TARBP2: variants seen among roughly 807,000 people sequenced by gnomAD.
TARBP2 encodes TARBP2 subunit of RISC loading complex.
Under a neutral mutation model 40.4 loss-of-function variants are expected in TARBP2, and 23 were observed. That is an observed-to-expected ratio of 0.57 (90% CI 0.41 to 0.81). The LOEUF (loss-of-function observed/expected upper bound fraction) is 0.81. TARBP2 is among the 30% of genes least tolerant of loss of function. The pLI is 0.00. For synonymous variants in TARBP2, 183 were observed against 190.5 expected (o/e 0.96, Z 0.32); for missense variants, 358 against 473.7 (o/e 0.76, Z 2.27).
At position 53,501,477 on chromosome 12, in the gene TARBP2, C is replaced by T. The variant is rs776722843; in HGVS notation, c.53+16C>T. 6.4e-7 allele frequency: 1 copy of T among 1,560,820 alleles called. No homozygotes were observed. Among genetic ancestry groups the T allele is most frequent in the East Asian group, 2.4e-5 (1 of 41,756 alleles). Reference sequence around the variant, plus strand: ...GGCTGCCTAGGTGAGCCGTCTCGTACCGATTCCTTCAGGGCGAAAAGCGTG... The same window carrying T: ...GGCTGCCTAGGTGAGCCGTCTCGTATCGATTCCTTCAGGGCGAAAAGCGTG... On this transcript the variant is annotated intron_variant, in intron 1 of 8. Transcript: ENST00000266987.
rs769254353 is a variant in TARBP2, at chr12:53,505,794, G to A, written c.887G>A (p.Arg296His). ...SLGALGPACC[R>H]VLSELSEEQA... ...GGTGCCCTGGGCCCTGCCTGCTGCC[G>A]TGTCCTCAGTGAGCTCTCTGAGGAG... Residue 296 changes from arginine to histidine, a missense_variant, in exon 8 of 9, where the codon CGT (arginine) becomes CAT (histidine). Transcript: ENST00000266987. This position sits in a 1 kb window ranked among gnomAD's most constrained non-coding sequence, Gnocchi z 4.5. 20 of 1,613,894 alleles carry A rather than the reference G, an allele frequency of 1.2e-5. No individual in the cohort carries two copies. In the African/African-American group the frequency reaches 1.3e-4, roughly 11 times the overall value.
chr12:53,504,518 G>A lies in TARBP2; in HGVS notation c.495+49G>A, dbSNP rs151250437. On this transcript the variant is annotated intron_variant, in intron 5 of 8. Transcript: ENST00000266987. ...TGCATGCCTGTCTTCCCTTGAGCCA[G>A]GGGCCATGAGGGAAGGCTATGTGTG... The A allele has an allele frequency of 8.1e-5, 130 of 1,604,070 alleles. No homozygotes were observed. In the African/African-American group the frequency reaches 1.7e-3, roughly 21 times the overall value.
Position 53,505,411 on chromosome 12 carries a change from G to A in TARBP2, c.741+149G>A. ...TTTCCTACCAGACCCAGGGTTCCTG[G>A]GGCCGACTCAGCCTTGACTGTAGGC... On this transcript the variant is annotated intron_variant, in intron 7 of 8. Transcript: ENST00000266987. The surrounding 1 kb of genome is among the most constrained non-coding windows in gnomAD (Gnocchi z 4.5). 2 of 1,318,062 alleles carry A rather than the reference G, an allele frequency of 1.5e-6. No individual in the cohort carries two copies. The highest frequency in any genetic ancestry group is 1.5e-5 in the South Asian group (1 of 67,322). 81.6% of individuals were successfully genotyped at this position (1,318,062 alleles called of 1,614,324 possible).
At position 53,506,263 on chromosome 12, in the gene TARBP2, C is replaced by G; in HGVS notation, c.*115C>G. 2 of 1,332,888 alleles carry G rather than the reference C, an allele frequency of 1.5e-6. No individual in the cohort carries two copies. Among genetic ancestry groups the G allele is most frequent in the Middle Eastern group, 5.4e-4 (2 of 3,700 alleles). The allele number at this position is 1,332,888 out of a possible 1,614,324, so 82.6% of individuals were successfully genotyped here. A position where few individuals can be genotyped will look rare whatever the true frequency, so the allele number is the denominator to read the frequency against. ...GTGGGTGCCATCTCTACCTCTGACA[C>G]AGACTGCCTGCCTTGAAGCTGAGAA... On this transcript the variant is annotated 3_prime_UTR_variant, in exon 9 of 9. Coordinates refer to ENST00000266987, the MANE Select transcript of TARBP2 (RefSeq NM_134323.2).
At chr12:53,501,681 C>T in intron 1 of TARBP2, 1 of 1,437,602 alleles carries the variant, frequency 7.0e-7, no homozygotes, top group Non-Finnish European at 9.1e-7. Flanking sequence ...GAACACTGGG[C>T]TTTATGCCCC....
intron 1 of TARBP2, chr12:53,501,799 G>T: frequency 1.5e-6 from 2 of 1,349,262 alleles, no homozygotes; most frequent in Non-Finnish European, 9.8e-7. Context: ...CTTAACTGAG[G>T]CAGGAGCAAT....
intron 3 of TARBP2, 133 bp from the exon 4 acceptor site, chr12:53,503,580 G>A (rs1943819278): frequency 5.9e-6 from 4 of 675,160 alleles, no homozygotes; most frequent in Non-Finnish European, 7.8e-6. Context: ...GCTGTTGGTT[G>A]AGCCTCCCTG....
chr12:53,502,798 G>A (rs558852105), intron 2 of TARBP2: 3 of 412,214 alleles, frequency 7.3e-6, no homozygotes, highest in Non-Finnish European at 1.3e-5. Flanking sequence ...CACCCAAGGC[G>A]TTTGAGCTCA....
chr12:53,504,627 C>T lies in TARBP2; in HGVS notation c.496-71C>T, dbSNP rs751047713. On this transcript the variant is annotated intron_variant, in intron 5 of 8. Coordinates refer to ENST00000266987, the MANE Select transcript of TARBP2 (RefSeq NM_134323.2). ...TCTCACCTAGAGTCTGAGGCTCCTG[C>T]GTGGGGACCAGCGTGGGTGTGAGAA... 186 of 1,613,272 alleles carry T rather than the reference C, an allele frequency of 1.2e-4. 2 individuals carry two copies. In the South Asian group the frequency reaches 1.8e-3, roughly 16 times the overall value.
chr12:53,506,404 A>C lies in TARBP2; in HGVS notation c.*256A>C. The C allele has an allele frequency of 1.9e-6, 1 of 534,464 alleles. No homozygotes were observed. The allele number at this position is 534,464 out of a possible 1,614,324, so 33.1% of individuals were successfully genotyped here. ...AGGGGGCTGTCTACTAGAGCCTGGA[A>C]TAAATATGCTGCTTTGTGGATTTTT... On this transcript the variant is annotated 3_prime_UTR_variant, in exon 9 of 9. Coordinates refer to ENST00000266987, the MANE Select transcript of TARBP2 (RefSeq NM_134323.2).
Position 53,504,429 on chromosome 12 carries a change from C to T in TARBP2, c.455C>T (p.Ser152Phe), listed in dbSNP as rs1366777172. ...CCCATGGAACTGCAGCCCCCTGTCT[C>T]CCCTCAGCAGTCTGAGTGCAACCCC... is the stretch of plus-strand genomic sequence containing the variant. ...SPPMELQPPV[S>F]PQQSECNPVG... is the part of the protein sequence containing the mutation. Residue 152 changes from serine (S) to phenylalanine (F), a missense_variant, in exon 5 of 9, where the codon TCC becomes TTC. Around this residue, in one of 3 missense-constraint regions of TARBP2, gnomAD observed 317 missense variants for 422.9 expected, o/e 0.75. Coordinates refer to ENST00000266987, the MANE Select transcript of TARBP2 (RefSeq NM_134323.2). 2 of 1,612,434 alleles carry T rather than the reference C, an allele frequency of 1.2e-6. No homozygotes were observed. Among genetic ancestry groups the T allele is most frequent in the Non-Finnish European group, 1.7e-6 (2 of 1,179,164 alleles).
In TARBP2 at chr12:53,505,859, A is replaced by G. The variant is rs766824712; in HGVS notation, c.943+9A>G. On this transcript the variant is annotated intron_variant, in intron 8 of 8. Coordinates refer to ENST00000266987, the MANE Select transcript of TARBP2 (RefSeq NM_134323.2). The surrounding 1 kb of genome is among the most constrained non-coding windows in gnomAD (Gnocchi z 4.5). ...CAGCTACCTGGATATTGGTATGGCT[A>G]GCTGGGGAGCGAGCCAGGGGATGGT... 1 of 1,612,354 alleles carries G rather than the reference A, an allele frequency of 6.2e-7. No homozygotes were observed. Among genetic ancestry groups the G allele is most frequent in the Non-Finnish European group, 8.5e-7 (1 of 1,178,660 alleles).
Position 53,505,985 on chromosome 12 carries a change from C to A in TARBP2, c.944-6C>A. Reference sequence around the variant, plus strand: ...CATTGCCTCCCTCCTCTCTCTTGCTCTCCAGAGGAGCTGAGCCTGAGTGGA... The same window carrying A: ...CATTGCCTCCCTCCTCTCTCTTGCTATCCAGAGGAGCTGAGCCTGAGTGGA... On this transcript the variant is annotated splice_polypyrimidine_tract_variant and splice_region_variant and intron_variant, in intron 8 of 8. Coordinates refer to ENST00000266987, the MANE Select transcript of TARBP2 (RefSeq NM_134323.2). This position sits in a 1 kb window ranked among gnomAD's most constrained non-coding sequence, Gnocchi z 4.5. 1 of 1,613,626 alleles carries A rather than the reference C, an allele frequency of 6.2e-7. No individual in the cohort carries two copies. The highest frequency in any genetic ancestry group is 8.5e-7 in the Non-Finnish European group (1 of 1,179,692).
At position 53,505,755 on chromosome 12, in the gene TARBP2, C is replaced by T; in HGVS notation, c.848C>T (p.Ser283Phe). 1 of 1,613,992 alleles carries T rather than the reference C, an allele frequency of 6.2e-7. No homozygotes were observed. The highest frequency in any genetic ancestry group is 1.1e-5 in the South Asian group (1 of 91,082). ...GEKILSLRSC[S>F]LGSLGALGPA... is the part of the protein sequence containing the mutation. Reference sequence around the variant, plus strand: ...AAGATCCTGTCCCTCCGCAGTTGCTCCCTGGGCTCCCTGGGTGCCCTGGGC... The same window carrying T: ...AAGATCCTGTCCCTCCGCAGTTGCTTCCTGGGCTCCCTGGGTGCCCTGGGC... Residue 283 changes from serine (S) to phenylalanine (F), a missense_variant, in exon 8 of 9, where the codon TCC (serine) becomes TTC (phenylalanine). Ser to Phe is a radical substitution (Grantham distance 155, BLOSUM62 -2). This residue lies in a region of TARBP2 where 317 missense variants were observed against 422.9 expected (regional missense o/e 0.75). Coordinates refer to ENST00000266987, the MANE Select transcript of TARBP2 (RefSeq NM_134323.2). The surrounding 1 kb of genome is among the most constrained non-coding windows in gnomAD (Gnocchi z 4.5).
Position 53,505,282 on chromosome 12 carries a change from C to G in TARBP2, c.741+20C>G. The G allele has an allele frequency of 6.4e-7, 1 of 1,570,938 alleles. No homozygotes were observed. The highest frequency in any genetic ancestry group is 8.7e-7 in the Non-Finnish European group (1 of 1,151,078). On this transcript the variant is annotated intron_variant, in intron 7 of 8. Transcript: ENST00000266987. The surrounding 1 kb of genome is among the most constrained non-coding windows in gnomAD (Gnocchi z 4.5). ...TCCATTGTGAGTGGCTCATGTGGGC[C>G]GGGCACCGTGGCCCATCCTCCATGC...
At position 53,505,563 on chromosome 12, in the gene TARBP2, C is replaced by T. The variant is rs1480749777; in HGVS notation, c.742-86C>T. 2.1e-5 allele frequency: 29 copies of T among 1,374,072 alleles called. No individual in the cohort carries two copies. Among genetic ancestry groups the T allele is most frequent in the Non-Finnish European group, 2.8e-5 (27 of 976,328 alleles). The allele number at this position is 1,374,072 out of a possible 1,614,324, so 85.1% of individuals were successfully genotyped here. On this transcript the variant is annotated intron_variant, in intron 7 of 8. Transcript: ENST00000266987. The surrounding 1 kb of genome is among the most constrained non-coding windows in gnomAD (Gnocchi z 4.5). ...CAAGCTGGAGGAAGCATTCTTTGTGCTTTGTTCTCCTTTGACGTTGAATGT... is the reference window on the plus strand; with the variant it reads ...CAAGCTGGAGGAAGCATTCTTTGTGTTTTGTTCTCCTTTGACGTTGAATGT...
intron 4 of TARBP2, chr12:53,504,137 A>C: frequency 1.7e-6 from 1 of 572,480 alleles, no homozygotes; most frequent in South Asian, 2.3e-5. Context: ...CTCTTCTCCC[A>C]CTGTCCTGGC....
Position 53,505,365 on chromosome 12 carries a change from T to G in TARBP2, c.741+103T>G. ...CTCAGCAGTGAGCCTCTCTGGGCCC[T>G]AGGTCTGCTTCTGCCACAGTTTTCC... On this transcript the variant is annotated intron_variant, in intron 7 of 8. Coordinates refer to ENST00000266987, the MANE Select transcript of TARBP2 (RefSeq NM_134323.2). This position sits in a 1 kb window ranked among gnomAD's most constrained non-coding sequence, Gnocchi z 4.5. The G allele has an allele frequency of 6.8e-7, 1 of 1,473,768 alleles. No homozygotes were observed. Among genetic ancestry groups the G allele is most frequent in the Non-Finnish European group, 9.0e-7 (1 of 1,105,006 alleles). The allele number at this position is 1,473,768 out of a possible 1,614,324, so 91.3% of individuals were successfully genotyped here. A position where few individuals can be genotyped will look rare whatever the true frequency, so the allele number is the denominator to read the frequency against.
intron 2 of TARBP2, 143 bp downstream of exon 2, chr12:53,502,327 A>G (rs1443425053): frequency 8.6e-7 from 1 of 1,164,064 alleles, no homozygotes; most frequent in Non-Finnish European, 1.2e-6. Context: ...TACTGACTGG[A>G]TTGGGAGAAC....
Sources: allele counts gnomAD v4.1 joint callset, GRCh38; gene constraint gnomAD v4.1.1; regional missense constraint gnomAD v4.1.1; non-coding constraint Gnocchi (gnomAD v3.1); transcripts MANE v1.5; gene names NCBI Gene and HGNC (gene_info 2026-07-23, HGNC 2026-07-21).